The following GRIK2 variants were observed in gnomAD, a reference collection of about 807,000 sequenced individuals.
GRIK2 encodes glutamate ionotropic receptor kainate type subunit 2, also known as glutamate receptor ionotropic, kainate 2.
GRIK2 carries 32 observed loss-of-function variants against 100.3 expected under a neutral mutation model. The ratio of observed to expected loss-of-function variants is 0.32; its 90% confidence interval spans 0.24 to 0.43. The LOEUF (loss-of-function observed/expected upper bound fraction) is 0.43, where lower values mean the gene tolerates loss of function less well. GRIK2 is among the 20% of genes least tolerant of loss of function. The probability of loss-of-function intolerance (pLI) is 1.00; values close to 1 mark genes in which losing one functional copy is unlikely to be tolerated. For synonymous variants in GRIK2, 417 were observed against 389.4 expected (o/e 1.07, Z -0.83); for missense variants, 843 against 1,114.9 (o/e 0.76, Z 3.47).
intron 10 of GRIK2, among the ~76,000 whole-genome samples, chr6:101,835,464 CTTTTTTTTTT>C (rs764148146): frequency 2.2e-5 from 2 of 89,020 alleles, no homozygotes; most frequent in African/African-American, 4.9e-5. Flanking sequence ...CTATGAGTTC[CTTTTTTTTTT>C]TTTTTTTTTT....
Position 101,896,984 on chromosome 6 carries a change from T to C in GRIK2, c.1748+7121T>C, listed in dbSNP as rs74875910. 4.8e-3 allele frequency among the ~76,000 whole-genome samples: 661 copies of C among 138,754 alleles called. 6 individuals are homozygous for C. Among genetic ancestry groups the C allele is most frequent in the African/African-American group, 0.017 (642 of 37,400 alleles). The allele number at this position is 138,754 out of a possible 152,430, so 91.0% of individuals were successfully genotyped here. On this transcript the variant is annotated intron_variant, in intron 12 of 16. Coordinates refer to ENST00000369134, the MANE Select transcript of GRIK2 (RefSeq NM_021956.5). ...TTCTTAATCAATTCTTTATGGAACA[T>C]GTCATTGTATTTAACACACACACAC...
chr6:101,509,939 G>T (rs1250947385), intron 2 of GRIK2, among the ~76,000 whole-genome samples: 1 of 152,042 alleles, frequency 6.6e-6, no homozygotes, highest in African/African-American at 2.4e-5. Context: ...TATTCATAAA[G>T]TATTTTAAAT....
intron 10 of GRIK2, among the ~76,000 whole-genome samples, chr6:101,829,399 T>A (rs1469202159): frequency 6.6e-6 from 1 of 151,832 alleles, no homozygotes; most frequent in Admixed American, 6.6e-5. Flanking sequence ...AGTCAGAGCA[T>A]TCAGGCAACA....
At chr6:101,444,898 G>A (rs551515022) in intron 2 of GRIK2, among the ~76,000 whole-genome samples, 146 of 152,080 alleles carry the variant, frequency 9.6e-4, no homozygotes, top group African/African-American at 3.3e-3. Flanking sequence ...CCAGTCCACC[G>A]CATCTGCTAT....
intron 10 of GRIK2, among the ~76,000 whole-genome samples, chr6:101,837,770 C>T (rs1417998618): frequency 6.6e-6 from 1 of 152,128 alleles, no homozygotes; most frequent in Non-Finnish European, 1.5e-5. Flanking sequence ...CTACTTGGTA[C>T]AGATTATGGA....
At chr6:102,061,223 TAAAATAATA>T (rs1771734688) in intron 16 of GRIK2, among the ~76,000 whole-genome samples, 2 of 150,634 alleles carry the variant, frequency 1.3e-5, no homozygotes, top group Admixed American at 1.3e-4. Flanking sequence ...TATTTTTAAT[TAAAATAATA>T]GCTTAATAGA....
rs974393620 is a variant in GRIK2 at position 101,504,852 on chromosome 6, T to C, written c.115+105460T>C. On this transcript the variant is annotated intron_variant, in intron 2 of 16. Transcript: ENST00000369134. ...CATTTCATACATACCATCAGAAATA[T>C]GTATGAAAATGATGTGTCCCTAGAC... 3.3e-5 allele frequency among the ~76,000 whole-genome samples: 5 copies of C among 152,080 alleles called. No individual in the cohort carries two copies. The South Asian group carries it at 1.0e-3, about 31-fold the overall frequency.
intron 7 of GRIK2, among the ~76,000 whole-genome samples, chr6:101,734,788 T>C (rs543023731): frequency 6.6e-6 from 1 of 152,264 alleles, no homozygotes; most frequent in East Asian, 1.9e-4. Context: ...TGATTACTAT[T>C]ATTATTTTTT....
chr6:101,947,518 C>T (rs912903214), intron 14 of GRIK2, among the ~76,000 whole-genome samples: 1 of 152,068 alleles, frequency 6.6e-6, no homozygotes, highest in African/African-American at 2.4e-5. Context: ...ATTATAAGTA[C>T]AGAGATTCAT....
At chr6:102,022,250 G>GA (rs1315986259) in intron 14 of GRIK2, among the ~76,000 whole-genome samples, 35 of 148,572 alleles carry the variant, frequency 2.4e-4, no homozygotes, top group South Asian at 4.2e-4. Flanking sequence ...CATAAATCAT[G>GA]AAAAAAAAAC....
chr6:101,873,458 G>A (rs1785572729), intron 11 of GRIK2, among the ~76,000 whole-genome samples: 1 of 151,936 alleles, frequency 6.6e-6, no homozygotes, highest in Admixed American at 6.6e-5. Context: ...GTATTCCATG[G>A]TGTATATGTG....
At chr6:101,721,732 G>A (rs1222964) in intron 7 of GRIK2, among the ~76,000 whole-genome samples, 45,536 of 151,606 alleles carry the variant, frequency 0.3, 10,611 homozygotes, top group African/African-American at 0.64. Context: ...TGGTCTTTCT[G>A]TTGTTTGCAT....
At chr6:102,005,666 T>C (rs1482882947) in intron 14 of GRIK2, among the ~76,000 whole-genome samples, 1 of 152,180 alleles carries the variant, frequency 6.6e-6, no homozygotes, top group Non-Finnish European at 1.5e-5. Context: ...GCTTAAAGCA[T>C]AACATTTAGT....
At chr6:102,050,483 C>G (rs1376725539) in intron 15 of GRIK2, among the ~76,000 whole-genome samples, 1 of 151,892 alleles carries the variant, frequency 6.6e-6, no homozygotes, top group African/African-American at 2.4e-5. Flanking sequence ...GAAACCCCGT[C>G]TCCACTAAAA....
chr6:101,928,043 C>A, intron 13 of GRIK2: 2 of 198,142 alleles, frequency 1.0e-5, no homozygotes, highest in South Asian at 9.0e-5. Context: ...CCTCTGAAAC[C>A]CTCATAACTA....
chr6:101,995,043 T>C (rs1794577667), intron 14 of GRIK2, among the ~76,000 whole-genome samples: 1 of 151,940 alleles, frequency 6.6e-6, no homozygotes, highest in Non-Finnish European at 1.5e-5. Flanking sequence ...TATTTTATCT[T>C]ATTTGAAAAC....
At chr6:101,800,703 G>T (rs747412560) in intron 8 of GRIK2, among the ~76,000 whole-genome samples, 2 of 151,802 alleles carry the variant, frequency 1.3e-5, no homozygotes, top group African/African-American at 4.8e-5. Flanking sequence ...TAATAGTTTC[G>T]AAGAATATGC....
At chr6:101,584,357 T>C (rs1778250045) in intron 2 of GRIK2, among the ~76,000 whole-genome samples, 1 of 152,070 alleles carries the variant, frequency 6.6e-6, no homozygotes, top group Admixed American at 6.6e-5. Flanking sequence ...AAGATTTTTC[T>C]TCAAGAAAAT....
chr6:101,707,594 G>GTGTATATATATATATA (rs1491149804), intron 7 of GRIK2, among the ~76,000 whole-genome samples: 3 of 106,136 alleles, frequency 2.8e-5, no homozygotes, highest in Admixed American at 1.0e-4. Flanking sequence ...GTGTGTGTGT[G>GTGTATATATATATATA]TATATATGTG....
Sources: gnomAD v4.1 joint callset for allele counts (sites outside exome capture counted in the v4.1 genomes callset) on GRCh38, gnomAD v4.1.1 for gene constraint, MANE v1.5 for transcripts, NCBI Gene and HGNC (gene_info 2026-07-23, HGNC 2026-07-21) for gene names.